The following UBE2E1 variants were observed in gnomAD, a reference collection of about 807,000 sequenced individuals.
UBE2E1 encodes ubiquitin-conjugating enzyme E2 E1.
UBE2E1 carries 6 observed loss-of-function variants against 21.4 expected under a neutral mutation model. That is an observed-to-expected ratio of 0.28 (90% CI 0.15 to 0.55). UBE2E1 has a LOEUF of 0.55. UBE2E1 is among the 20% of genes least tolerant of loss of function. The pLI, the probability that UBE2E1 is intolerant of heterozygous loss-of-function variation, is 0.93. For missense variants in UBE2E1, 142 were observed against 236.5 expected (o/e 0.60, Z 2.62); for synonymous variants, 87 against 82.7 (o/e 1.05, Z -0.28).
At chr3:23,812,830 G>A (rs1200842673) in intron 3 of UBE2E1, among the ~76,000 whole-genome samples, 1 of 152,098 alleles carries the variant, frequency 6.6e-6, no homozygotes, top group African/African-American at 2.4e-5. Context: ...CATTCCCCAA[G>A]GTGGTTCTGT....
At chr3:23,881,906 T>TA (rs1019843967) in intron 3 of UBE2E1, among the ~76,000 whole-genome samples, 34 of 152,278 alleles carry the variant, frequency 2.2e-4, no homozygotes, top group African/African-American at 7.7e-4. Flanking sequence ...TGGTGAGTGT[T>TA]ACAGCTTTTA....
At position 23,856,929 on chromosome 3, in the gene UBE2E1, G is replaced by A. The variant is rs1421760193; in HGVS notation, c.204-30638G>A. On this transcript the variant is annotated intron_variant, in intron 3 of 5. Transcript: ENST00000306627. ...GAGGCAGGAGGATCACTTAAGTCCC[G>A]GATTTTGAGGTTGCAGTGCGCTGTG... Among the ~76,000 whole-genome samples the A allele has an allele frequency of 4.0e-5, 6 of 151,046 alleles. No homozygotes were observed. In the East Asian group the frequency reaches 5.8e-4, roughly 15 times the overall value.
At chr3:23,826,622 C>T (rs1313003000) in intron 3 of UBE2E1, among the ~76,000 whole-genome samples, 3 of 152,208 alleles carry the variant, frequency 2.0e-5, no homozygotes, top group Non-Finnish European at 4.4e-5. Context: ...AGATTTATCT[C>T]TACAGTGTGA....
rs1348500190 is a variant in UBE2E1 at position 23,863,415 on chromosome 3, C to T, written c.204-24152C>T. Among the ~76,000 whole-genome samples the T allele has an allele frequency of 6.6e-6, 1 of 152,140 alleles. No individual in the cohort carries two copies. Among genetic ancestry groups the T allele is most frequent in the East Asian group, 1.9e-4 (1 of 5,198 alleles). Reference sequence around the variant, plus strand: ...CCCCTCTCCCTTTCTCCCTCTGTGCCCTTCCCTACCCACTACATATATATA... The same window carrying T: ...CCCCTCTCCCTTTCTCCCTCTGTGCTCTTCCCTACCCACTACATATATATA... On this transcript the variant is annotated intron_variant, in intron 3 of 5. Transcript: ENST00000306627. This position sits in a 1 kb window ranked among gnomAD's most constrained non-coding sequence, Gnocchi z 4.3.
chr3:23,852,682 CCTT>C lies in UBE2E1; in HGVS notation c.204-34882_204-34880del, dbSNP rs373262830. Among the ~76,000 whole-genome samples the C allele has an allele frequency of 8.7e-4, 132 of 152,284 alleles. No homozygotes were observed. In the Middle Eastern group the frequency reaches 0.01, roughly 12 times the overall value. On this transcript the variant is annotated intron_variant, in intron 3 of 5. Coordinates refer to ENST00000306627, the MANE Select transcript of UBE2E1 (RefSeq NM_003341.5). ...CAATCTCAACTCAGTGCAGCCATGA[CCTT>C]CTGGGCTCAAGCGATCCTCCCACCT...
chr3:23,830,554 G>A (rs1699846025), intron 3 of UBE2E1, among the ~76,000 whole-genome samples: 1 of 152,186 alleles, frequency 6.6e-6, no homozygotes, highest in African/African-American at 2.4e-5. Context: ...GGTGGGGGCA[G>A]GTTTGGGGTT....
At chr3:23,828,061 C>G (rs959610564) in intron 3 of UBE2E1, among the ~76,000 whole-genome samples, 2 of 152,154 alleles carry the variant, frequency 1.3e-5, no homozygotes, top group African/African-American at 4.8e-5. Context: ...AAATACATAC[C>G]TCTTTAAAAC....
intron 5 of UBE2E1, 84 bp from the exon 6 acceptor site, chr3:23,890,425 G>GT (rs1448858085): frequency 7.7e-7 from 1 of 1,298,196 alleles, no homozygotes; most frequent in East Asian, 2.4e-5. Context: ...TTTGTCGTAC[G>GT]TATCTACCCA....
Position 23,842,616 on chromosome 3 carries a change from T to G in UBE2E1, c.203+31106T>G, listed in dbSNP as rs895721403. 1.3e-5 allele frequency among the ~76,000 whole-genome samples: 2 copies of G among 152,182 alleles called. No homozygotes were observed. The highest frequency in any genetic ancestry group is 2.9e-5 in the Non-Finnish European group (2 of 68,040). On this transcript the variant is annotated intron_variant, in intron 3 of 5. Coordinates refer to ENST00000306627, the MANE Select transcript of UBE2E1 (RefSeq NM_003341.5). This position sits in a 1 kb window ranked among gnomAD's most constrained non-coding sequence, Gnocchi z 4.6. ...TGAATTCATAGCTTGAGGAAATAAG[T>G]CGGAGTCTCATACCTCTGTGTCAAC... is the stretch of plus-strand genomic sequence containing the variant.
At chr3:23,886,967 T>C (rs1701201248) in intron 3 of UBE2E1, among the ~76,000 whole-genome samples, 2 of 152,204 alleles carry the variant, frequency 1.3e-5, no homozygotes, top group African/African-American at 4.8e-5. Flanking sequence ...ATGTCTCAAG[T>C]ATTAGTATTT....
intron 5 of UBE2E1, among the ~76,000 whole-genome samples, chr3:23,890,220 C>A (rs1575050846): frequency 1.3e-5 from 2 of 152,130 alleles, no homozygotes; most frequent in East Asian, 3.8e-4. Flanking sequence ...CTCAGCCTAA[C>A]ACATAAGAGT....
In UBE2E1 at chr3:23,890,950, G is replaced by A. The variant is rs919545504; in HGVS notation, c.*344G>A. Reference sequence around the variant, plus strand: ...TTACACATATGGCCATTTATGTAAAGTCCCTCTAAGACTACATACTTTTTG... The same window carrying A: ...TTACACATATGGCCATTTATGTAAAATCCCTCTAAGACTACATACTTTTTG... On this transcript the variant is annotated 3_prime_UTR_variant, in exon 6 of 6. Transcript: ENST00000306627. 5.4e-5 allele frequency: 9 copies of A among 168,030 alleles called. No homozygotes were observed. The highest frequency in any genetic ancestry group is 1.9e-4 in the African/African-American group (8 of 42,134). 10.4% of individuals were successfully genotyped at this position (168,030 alleles called of 1,614,324 possible).
Position 23,810,584 on chromosome 3 carries a change from G to C in UBE2E1, c.153-876G>C, listed in dbSNP as rs1022048855. 2,641 of 1,485,342 alleles carry C rather than the reference G, an allele frequency of 1.8e-3. 7 individuals carry two copies. Among genetic ancestry groups the C allele is most frequent in the Non-Finnish European group, 2.2e-3 (2,425 of 1,113,888 alleles). The allele number at this position is 1,485,342 out of a possible 1,614,324, so 92.0% of individuals were successfully genotyped here. ...AGCGTGCGGGGCGGAGGCAGGGTCC[G>C]GTGCACCTGTGCGGCCGCGGGCCGG... On this transcript the variant is annotated intron_variant, in intron 2 of 5. Transcript: ENST00000306627. The surrounding 1 kb of genome is among the most constrained non-coding windows in gnomAD (Gnocchi z 5.8).
intron 2 of UBE2E1, 74 bp from the exon 3 acceptor site, chr3:23,811,386 C>T (rs1699388328): frequency 2.1e-6 from 3 of 1,448,132 alleles, no homozygotes; most frequent in African/African-American, 1.4e-5. Context: ...ATCTGCAGAC[C>T]TGCACGCTAC....
chr3:23,879,434 T>G, intron 3 of UBE2E1: 1 of 434,826 alleles, frequency 2.3e-6, no homozygotes, highest in South Asian at 2.0e-5. Flanking sequence ...GAAAACAGTG[T>G]GGAAAGACTG....
At chr3:23,889,794 G>T in intron 5 of UBE2E1, 1 of 981,560 alleles carries the variant, frequency 1.0e-6, no homozygotes, top group Non-Finnish European at 1.2e-6. Flanking sequence ...GGTGGCTGAG[G>T]TGTCAGGATT....
intron 3 of UBE2E1, among the ~76,000 whole-genome samples, chr3:23,814,554 A>G (rs1334246805): frequency 6.6e-6 from 1 of 152,180 alleles, no homozygotes; most frequent in East Asian, 1.9e-4. Flanking sequence ...CATTTTGGTT[A>G]GGCTTTTATT....
In UBE2E1 at chr3:23,808,311, A is replaced by G. The variant is rs542007220; in HGVS notation, c.152+890A>G. ...CCTTCAGTAATATCCTCTGATCGCCATGACCCTCAAAATCATCTTTAGTGG... is the reference window on the plus strand; with the variant it reads ...CCTTCAGTAATATCCTCTGATCGCCGTGACCCTCAAAATCATCTTTAGTGG... On this transcript the variant is annotated intron_variant, in intron 2 of 5. Coordinates refer to ENST00000306627, the MANE Select transcript of UBE2E1 (RefSeq NM_003341.5). The surrounding 1 kb of genome is among the most constrained non-coding windows in gnomAD (Gnocchi z 4.9). Among the ~76,000 whole-genome samples the G allele has an allele frequency of 3.9e-5, 6 of 152,260 alleles. No homozygotes were observed. The East Asian group carries it at 7.7e-4, about 20-fold the overall frequency.
At chr3:23,874,034 T>C (rs1220946376) in intron 3 of UBE2E1, among the ~76,000 whole-genome samples, 1 of 152,242 alleles carries the variant, frequency 6.6e-6, no homozygotes, top group East Asian at 1.9e-4. Context: ...TTGAACTCTG[T>C]ACTTGTGTCA....
Sources: allele counts gnomAD v4.1 joint callset (sites outside exome capture counted in the v4.1 genomes callset), GRCh38; gene constraint gnomAD v4.1.1; non-coding constraint Gnocchi (gnomAD v3.1); transcripts MANE v1.5; gene names NCBI Gene and HGNC (gene_info 2026-07-23, HGNC 2026-07-21).